The following SPINK5 variants were observed in gnomAD, a reference collection of about 807,000 sequenced individuals.
SPINK5 encodes the protein serine protease inhibitor Kazal-type 5.
A neutral mutation model predicts 151.8 loss-of-function variants in SPINK5; 125 were observed. That is an observed-to-expected ratio of 0.82 (90% CI 0.71 to 0.96). SPINK5 has a LOEUF of 0.96. Among genes scored for constraint, SPINK5 ranks in the 40% least tolerant of loss-of-function variants. The pLI, the probability that SPINK5 is intolerant of heterozygous loss-of-function variation, is 0.00. For synonymous variants in SPINK5, 374 were observed against 395.3 expected (o/e 0.95, Z 0.64); for missense variants, 1,194 against 1,291.9 (o/e 0.92, Z 1.16).
intron 22 of SPINK5, among the ~76,000 whole-genome samples, chr5:148,117,225 C>G (rs183857911): frequency 1.3e-5 from 2 of 152,096 alleles, no homozygotes; most frequent in African/African-American, 4.8e-5. Context: ...GTTTTTTTCC[C>G]ATCTTTTTTG....
chr5:148,113,689 A>ACT (rs1242865069), intron 20 of SPINK5, among the ~76,000 whole-genome samples: 2 of 152,088 alleles, frequency 1.3e-5, no homozygotes, highest in Non-Finnish European at 2.9e-5. Flanking sequence ...TCGCCCTGGA[A>ACT]CTCTGTATGT....
At chr5:148,129,359 C>G (rs527504686) in intron 30 of SPINK5, among the ~76,000 whole-genome samples, 6 of 152,288 alleles carry the variant, frequency 3.9e-5, no homozygotes, top group Admixed American at 6.5e-5. Context: ...AAGGGCTGGA[C>G]AGCTAGTTAG....
At chr5:148,068,554 C>CAA (rs1166912306) in intron 2 of SPINK5, among the ~76,000 whole-genome samples, 3 of 89,232 alleles carry the variant, frequency 3.4e-5, no homozygotes, top group South Asian at 3.2e-4. Flanking sequence ...CCTGCCTCTC[C>CAA]AAAAAAAAAA....
chr5:148,064,016 A>T lies in SPINK5; in HGVS notation c.-29A>T, dbSNP rs1419192049. The T allele has an allele frequency of 2.5e-6, 4 of 1,613,806 alleles. No homozygotes were observed. The Admixed American group carries it at 5.0e-5, about 20-fold the overall frequency. On this transcript the variant is annotated 5_prime_UTR_variant, in exon 1 of 33. Transcript: ENST00000256084. ...ACCAGCTGAGCAATGCATGGAGTGGACCTGTAGGCGACTTGCATCGTCTTC... is the reference window on the plus strand; with the variant it reads ...ACCAGCTGAGCAATGCATGGAGTGGTCCTGTAGGCGACTTGCATCGTCTTC...
At chr5:148,074,065 G>C (rs1561674563) in intron 4 of SPINK5, among the ~76,000 whole-genome samples, 1 of 151,672 alleles carries the variant, frequency 6.6e-6, no homozygotes, top group Non-Finnish European at 1.5e-5. Context: ...TATACCATGT[G>C]TTTTTTGTTG....
At chr5:148,111,993 A>G in intron 19 of SPINK5, 98 bp downstream of exon 19, 1 of 1,567,782 alleles carries the variant, frequency 6.4e-7, no homozygotes. Context: ...CAGGAGATAG[A>G]TAATAAAGGC....
chr5:148,088,937 C>T (rs1753233507), intron 6 of SPINK5: 1 of 479,640 alleles, frequency 2.1e-6, no homozygotes, highest in Admixed American at 2.4e-5. Flanking sequence ...CCAGCAGTGT[C>T]ACTTGCTGTT....
intron 7 of SPINK5, 165 bp from the exon 8 acceptor site, chr5:148,091,000 G>C: frequency 1.6e-6 from 1 of 618,090 alleles, no homozygotes; most frequent in Non-Finnish European, 2.8e-6. Context: ...CTTATCTTTG[G>C]CAATTTCTCT....
intron 8 of SPINK5, 81 bp downstream of exon 8, chr5:148,091,309 A>T: frequency 8.7e-7 from 1 of 1,147,924 alleles, no homozygotes; most frequent in Non-Finnish European, 1.3e-6. Context: ...GAGTAATGAA[A>T]TAAAGTCATT....
At chr5:148,070,832 A>G (rs145813396) in intron 3 of SPINK5, among the ~76,000 whole-genome samples, 1 of 152,214 alleles carries the variant, frequency 6.6e-6, no homozygotes, top group Non-Finnish European at 1.5e-5. Flanking sequence ...CTAGGGACTG[A>G]GAAGATTGGC....
chr5:148,083,244 C>G (rs1035851083), intron 4 of SPINK5, among the ~76,000 whole-genome samples: 23 of 151,436 alleles, frequency 1.5e-4, no homozygotes, highest in Non-Finnish European at 2.7e-4. Flanking sequence ...GTTAATATTG[C>G]TGCATATGCT....
At chr5:148,114,240 G>A (rs1174109509) in intron 20 of SPINK5, 122 bp from the exon 21 acceptor site, 2 of 1,195,736 alleles carry the variant, frequency 1.7e-6, no homozygotes, top group Non-Finnish European at 2.3e-6. Flanking sequence ...ATAACTGCCA[G>A]AAAAAAAATT....
chr5:148,091,003 A>G (rs1295579852), intron 7 of SPINK5, 162 bp from the exon 8 acceptor site: 3 of 627,288 alleles, frequency 4.8e-6, no homozygotes, highest in African/African-American at 1.9e-5. Flanking sequence ...ATCTTTGGCA[A>G]TTTCTCTGGC....
At chr5:148,134,451 G>T (rs771235345) in intron 32 of SPINK5, among the ~76,000 whole-genome samples, 105 of 152,274 alleles carry the variant, frequency 6.9e-4, no homozygotes, top group Non-Finnish European at 9.8e-4. Context: ...TTTCAAATAA[G>T]AGAAAAATGT....
At chr5:148,081,658 G>A (rs1753024129) in intron 4 of SPINK5, among the ~76,000 whole-genome samples, 2 of 151,602 alleles carry the variant, frequency 1.3e-5, no homozygotes, top group African/African-American at 4.8e-5. Context: ...ATCTCGTAGG[G>A]TGATGAAAAT....
chr5:148,123,155 C>T (rs1434894766), intron 26 of SPINK5, among the ~76,000 whole-genome samples: 1 of 151,186 alleles, frequency 6.6e-6, no homozygotes, highest in East Asian at 2.0e-4. Flanking sequence ...TTAAGATCAG[C>T]CCAGGCAACA....
intron 1 of SPINK5, among the ~76,000 whole-genome samples, chr5:148,064,731 A>G (rs947928481): frequency 6.6e-6 from 1 of 152,156 alleles, no homozygotes; most frequent in Non-Finnish European, 1.5e-5. Flanking sequence ...AGAGAAACTC[A>G]TAGATAGTCT....
chr5:148,131,953 A>G (rs940909072), intron 31 of SPINK5, among the ~76,000 whole-genome samples: 2 of 152,176 alleles, frequency 1.3e-5, no homozygotes, highest in African/African-American at 4.8e-5. Flanking sequence ...CTGGAGGCAT[A>G]TTATTTCATG....
At position 148,072,945 on chromosome 5, in the gene SPINK5, A is replaced by G. The variant is rs1170597176; in HGVS notation, c.282+725A>G. Among the ~76,000 whole-genome samples, 6 of 151,838 alleles carry G rather than the reference A, an allele frequency of 4.0e-5. No individual in the cohort carries two copies. The South Asian group carries it at 6.2e-4, about 16-fold the overall frequency. Reference sequence around the variant, plus strand: ...AAACTGCAAATTTATCCTACTATATAAACCATTTCACTTGATAATTTTTTT... The same window carrying G: ...AAACTGCAAATTTATCCTACTATATGAACCATTTCACTTGATAATTTTTTT... On this transcript the variant is annotated intron_variant, in intron 4 of 32. Transcript: ENST00000256084.
Sources: gnomAD v4.1 joint callset for allele counts (sites outside exome capture counted in the v4.1 genomes callset) on GRCh38, gnomAD v4.1.1 for gene constraint, MANE v1.5 for transcripts, NCBI Gene and HGNC (gene_info 2026-07-23, HGNC 2026-07-21) for gene names.